MAP3K7CL: variants seen among roughly 807,000 people sequenced by gnomAD.
The protein encoded by MAP3K7CL is MAP3K7 C-terminal like.
A neutral mutation model predicts 18.6 loss-of-function variants in MAP3K7CL; 16 were observed. The ratio of observed to expected loss-of-function variants is 0.86; its 90% CI spans 0.58 to 1.31. The LOEUF (loss-of-function observed/expected upper bound fraction) is 1.31, where lower values mean the gene tolerates loss of function less well. Among genes scored for constraint, MAP3K7CL ranks in the 50% most tolerant of loss-of-function variants. The pLI is 0.00. For missense variants in MAP3K7CL, 163 were observed against 174.4 expected (o/e 0.93, Z 0.37); for synonymous variants, 65 against 66.8 (o/e 0.97, Z 0.13).
At chr21:29,141,629 G>A (rs1264767647) in intron 2 of MAP3K7CL, among the ~76,000 whole-genome samples, 1 of 151,958 alleles carries the variant, frequency 6.6e-6, no homozygotes. Context: ...TTTAGGTACT[G>A]GTTAAGATAA....
chr21:29,160,090 C>A, intron 4 of MAP3K7CL, 34 bp downstream of exon 4: 1 of 1,553,050 alleles, frequency 6.4e-7, no homozygotes, highest in Non-Finnish European at 8.9e-7. Context: ...TACATCTGAG[C>A]ACTGCCTACT....
chr21:29,089,922 ATAAG>A (rs1422937499), intron 1 of MAP3K7CL, among the ~76,000 whole-genome samples: 5 of 151,984 alleles, frequency 3.3e-5, no homozygotes, highest in Non-Finnish European at 5.9e-5. Context: ...AGTAAGGAGA[ATAAG>A]AAAGAAGGAG....
intron 4 of MAP3K7CL, among the ~76,000 whole-genome samples, chr21:29,164,882 T>C (rs1206129234): frequency 6.6e-6 from 1 of 152,226 alleles, no homozygotes; most frequent in Non-Finnish European, 1.5e-5. Context: ...GCCTTTTGCA[T>C]GTGAATAGAC....
At chr21:29,172,241 CTTTTTTTTTT>C (rs35612617) in intron 4 of MAP3K7CL, among the ~76,000 whole-genome samples, 1 of 126,250 alleles carries the variant, frequency 7.9e-6, no homozygotes, top group Non-Finnish European at 1.6e-5. Context: ...TTGTCATTTT[CTTTTTTTTTT>C]TTTTTTTTTT....
chr21:29,171,762 A>C (rs192198266), intron 4 of MAP3K7CL, among the ~76,000 whole-genome samples: 97 of 144,588 alleles, frequency 6.7e-4, no homozygotes, highest in African/African-American at 2.4e-3. Flanking sequence ...AGCCGACATC[A>C]CGCCACCGCA....
At chr21:29,160,460 T>C (rs575344570) in intron 4 of MAP3K7CL, among the ~76,000 whole-genome samples, 3 of 152,364 alleles carry the variant, frequency 2.0e-5, no homozygotes, top group East Asian at 3.9e-4. Flanking sequence ...GTAAACGTTT[T>C]AGTTGACTGA....
intron 2 of MAP3K7CL, among the ~76,000 whole-genome samples, chr21:29,141,630 G>A (rs946621928): frequency 3.3e-5 from 5 of 151,990 alleles, no homozygotes; most frequent in Non-Finnish European, 7.4e-5. Flanking sequence ...TTAGGTACTG[G>A]TTAAGATAAC....
At chr21:29,163,614 T>C (rs1173961217) in intron 4 of MAP3K7CL, among the ~76,000 whole-genome samples, 1 of 151,034 alleles carries the variant, frequency 6.6e-6, no homozygotes, top group Non-Finnish European at 1.5e-5. Context: ...TCCTCACTTC[T>C]CCCGGGGCAG....
chr21:29,098,386 G>A (rs936413820), intron 4 of MAP3K7CL, among the ~76,000 whole-genome samples: 1 of 151,908 alleles, frequency 6.6e-6, no homozygotes, highest in African/African-American at 2.4e-5. Flanking sequence ...AACTTCAATA[G>A]TCTCCTGACT....
At chr21:29,105,922 A>G (rs2086313328) in intron 4 of MAP3K7CL, among the ~76,000 whole-genome samples, 1 of 152,130 alleles carries the variant, frequency 6.6e-6, no homozygotes. Context: ...TTTTTCTTAA[A>G]ATGTTGCTGA....
At chr21:29,119,326 C>A (rs1025663117) in intron 4 of MAP3K7CL, among the ~76,000 whole-genome samples, 1 of 152,210 alleles carries the variant, frequency 6.6e-6, no homozygotes, top group Non-Finnish European at 1.5e-5. Context: ...CCTTTTTATT[C>A]CATGTACTCA....
chr21:29,113,000 G>A (rs2086445758), intron 4 of MAP3K7CL, among the ~76,000 whole-genome samples: 1 of 152,130 alleles, frequency 6.6e-6, no homozygotes, highest in African/African-American at 2.4e-5. Flanking sequence ...AGTAGAGACG[G>A]GTTTTGCCAT....
chr21:29,126,568 C>T (rs905482648), upstream of MAP3K7CL, among the ~76,000 whole-genome samples: 2 of 152,172 alleles, frequency 1.3e-5, no homozygotes, highest in African/African-American at 4.8e-5. Context: ...AAGTGATTCT[C>T]CTGCCTCAGC....
chr21:29,084,323 G>A (rs534632873), upstream of MAP3K7CL, among the ~76,000 whole-genome samples: 1 of 152,210 alleles, frequency 6.6e-6, no homozygotes, highest in East Asian at 1.9e-4. Context: ...ATGGGAACTA[G>A]AGGGTCATTG....
At chr21:29,086,450 C>T (rs1341653151) in intron 1 of MAP3K7CL, among the ~76,000 whole-genome samples, 4 of 152,110 alleles carry the variant, frequency 2.6e-5, no homozygotes, top group Admixed American at 6.5e-5. Flanking sequence ...ACAGAAAGTC[C>T]GCTTACCTGA....
chr21:29,087,851 C>T (rs1217941039), intron 1 of MAP3K7CL, among the ~76,000 whole-genome samples: 1 of 152,008 alleles, frequency 6.6e-6, no homozygotes, highest in East Asian at 1.9e-4. Flanking sequence ...CCTCGGCCTC[C>T]CAAAGTGCTG....
intron 4 of MAP3K7CL, among the ~76,000 whole-genome samples, chr21:29,114,218 G>A (rs562837135): frequency 2.6e-5 from 4 of 151,712 alleles, no homozygotes; most frequent in Non-Finnish European, 5.9e-5. Context: ...ACAGGCATGC[G>A]CCACCATGCC....
intron 4 of MAP3K7CL, among the ~76,000 whole-genome samples, chr21:29,162,964 G>A (rs535781314): frequency 9.9e-5 from 15 of 152,154 alleles, no homozygotes; most frequent in African/African-American, 2.9e-4. Context: ...AAAATTAGTC[G>A]GGTGTGGTAG....
chr21:29,172,358 G>T (rs752532715), intron 4 of MAP3K7CL, among the ~76,000 whole-genome samples: 9 of 150,570 alleles, frequency 6.0e-5, no homozygotes, highest in Non-Finnish European at 1.0e-4. Context: ...TGTATGATTA[G>T]ATATAGAGTG....
Sources: allele counts gnomAD v4.1 joint callset (sites outside exome capture counted in the v4.1 genomes callset), GRCh38; gene constraint gnomAD v4.1.1; transcripts MANE v1.5; gene names NCBI Gene and HGNC (gene_info 2026-07-23, HGNC 2026-07-21).